Variants in CNTLN observed in about 807,000 individuals in gnomAD.
CNTLN encodes centlein, centrosomal protein.
Under a neutral mutation model 180.0 loss-of-function variants are expected in CNTLN, and 212 were observed. That is an observed-to-expected ratio of 1.18 (90% CI 1.05 to 1.32). The LOEUF (loss-of-function observed/expected upper bound fraction) is 1.32, where lower values mean the gene tolerates loss of function less well. Among genes scored for constraint, CNTLN ranks in the 40% most tolerant of loss-of-function variants. The pLI is 0.00. For synonymous variants in CNTLN, 722 were observed against 563.1 expected (o/e 1.28, Z -3.99); for missense variants, 2,095 against 1,610.9 (o/e 1.30, Z -5.14).
At chr9:17,242,113 T>C (rs79320337) in intron 5 of CNTLN, among the ~76,000 whole-genome samples, 1 of 152,306 alleles carries the variant, frequency 6.6e-6, no homozygotes, top group East Asian at 1.9e-4. Context: ...ATTCTTGTCA[T>C]GTTTCAGATT....
At chr9:17,260,810 T>C (rs1159013557) in intron 5 of CNTLN, among the ~76,000 whole-genome samples, 1 of 151,410 alleles carries the variant, frequency 6.6e-6, no homozygotes, top group Non-Finnish European at 1.5e-5. Context: ...AAGGTTTTTT[T>C]AGCTTTTGTT....
rs1833797527 is a variant in CNTLN at position 17,502,405 on chromosome 9, G to T, written c.4120-146G>T. The stretch of plus-strand genomic sequence containing the variant: ...CAAAATTACCCACACTAACCAGCAA[G>T]ATCAGTAGAAAAGAGATCCAGTAGG... On this transcript the variant is annotated intron_variant, in intron 25 of 25. Transcript: ENST00000380647. 1.1e-5 allele frequency: 5 copies of T among 437,750 alleles called. No individual in the cohort carries two copies. The South Asian group carries it at 2.2e-4, about 20-fold the overall frequency. The allele number at this position is 437,750 out of a possible 1,614,324, so 27.1% of individuals were successfully genotyped here.
chr9:17,513,669 A>T, the CNTLN span, among the ~76,000 whole-genome samples: 2 of 152,112 alleles, frequency 1.3e-5, no homozygotes, highest in African/African-American at 2.4e-5. Context: ...CGCACTCCAC[A>T]CTCCAGCCTG....
At chr9:17,235,206 G>A (rs1003043384) in intron 3 of CNTLN, among the ~76,000 whole-genome samples, 1 of 152,132 alleles carries the variant, frequency 6.6e-6, no homozygotes, top group South Asian at 2.1e-4. Context: ...GATATTATTA[G>A]TACTAAAATA....
At chr9:17,181,281 A>T (rs1238545897) in intron 2 of CNTLN, among the ~76,000 whole-genome samples, 2 of 151,806 alleles carry the variant, frequency 1.3e-5, no homozygotes, top group African/African-American at 2.4e-5. Flanking sequence ...CTTTTCACTG[A>T]TTCTTTCCTG....
chr9:17,178,269 G>C (rs1820860979), intron 2 of CNTLN, among the ~76,000 whole-genome samples: 1 of 152,212 alleles, frequency 6.6e-6, no homozygotes, highest in Non-Finnish European at 1.5e-5. Flanking sequence ...TCAGAGTGCT[G>C]ATTGGTATAT....
chr9:17,272,288 G>T (rs910802655), intron 5 of CNTLN, among the ~76,000 whole-genome samples: 14 of 152,018 alleles, frequency 9.2e-5, no homozygotes, highest in African/African-American at 3.4e-4. Flanking sequence ...CGTTGGCTAG[G>T]ATAGTCTCGA....
chr9:17,427,350 A>G (rs942015559), intron 18 of CNTLN, among the ~76,000 whole-genome samples: 1 of 146,916 alleles, frequency 6.8e-6, no homozygotes, highest in Non-Finnish European at 1.5e-5. Flanking sequence ...TATATTTTCT[A>G]TGTGATACAG....
At position 17,494,816 on chromosome 9, in the gene CNTLN, C is replaced by T. The variant is rs73418347; in HGVS notation, c.4120-7735C>T. 4.4e-3 allele frequency: 1,668 copies of T among 381,522 alleles called. 23 individuals are homozygous for T. The highest frequency in any genetic ancestry group is 0.033 in the African/African-American group (1,548 of 46,420). 23.6% of individuals were successfully genotyped at this position (381,522 alleles called of 1,614,324 possible). On this transcript the variant is annotated intron_variant, in intron 25 of 25. Transcript: ENST00000380647. ...ATAGCGTATACAATTATGTACTGCA[C>T]ATAATACTCAATAATGATAATAAAT...
intron 6 of CNTLN, among the ~76,000 whole-genome samples, chr9:17,292,512 T>C (rs1445269908): frequency 6.6e-6 from 1 of 152,128 alleles, no homozygotes; most frequent in African/African-American, 2.4e-5. Context: ...CATTCTTTTT[T>C]CTCTCGTCTT....
chr9:17,147,846 C>T (rs920981224), intron 2 of CNTLN, among the ~76,000 whole-genome samples: 5 of 152,090 alleles, frequency 3.3e-5, no homozygotes, highest in African/African-American at 1.2e-4. Flanking sequence ...TGATGAATGG[C>T]TTTTTGGATA....
chr9:17,306,079 C>A (rs1162654992), intron 7 of CNTLN, among the ~76,000 whole-genome samples: 1 of 151,404 alleles, frequency 6.6e-6, no homozygotes, highest in South Asian at 2.1e-4. Flanking sequence ...AATAGGAATG[C>A]AACTGCTTAA....
intron 2 of CNTLN, among the ~76,000 whole-genome samples, chr9:17,225,313 C>G (rs967352677): frequency 6.6e-6 from 1 of 151,992 alleles, no homozygotes; most frequent in South Asian, 2.1e-4. Flanking sequence ...CCCCAGAAGT[C>G]AAGCTCCTTT....
chr9:17,518,036 CTTTT>C, the CNTLN span, among the ~76,000 whole-genome samples: 15 of 69,242 alleles, frequency 2.2e-4, no homozygotes, highest in African/African-American at 7.2e-4. Context: ...TTTTCTTTTC[CTTTT>C]TTTTTTTTTT....
At chr9:17,396,607 G>T (rs562566091) in intron 15 of CNTLN, among the ~76,000 whole-genome samples, 1 of 152,244 alleles carries the variant, frequency 6.6e-6, no homozygotes, top group South Asian at 2.1e-4. Context: ...CACAGACATA[G>T]AACTGAAAAT....
At chr9:17,391,110 G>C (rs1410554165) in intron 14 of CNTLN, among the ~76,000 whole-genome samples, 1 of 152,170 alleles carries the variant, frequency 6.6e-6, no homozygotes, top group Non-Finnish European at 1.5e-5. Context: ...GCTTAGGTTT[G>C]ATAAAGAAAG....
At chr9:17,361,713 C>T (rs886516326) in intron 12 of CNTLN, among the ~76,000 whole-genome samples, 6 of 152,136 alleles carry the variant, frequency 3.9e-5, no homozygotes, top group African/African-American at 9.7e-5. Flanking sequence ...TTCTTGGGAC[C>T]CCTCTCCCTG....
chr9:17,372,282 C>A (rs369839249), intron 13 of CNTLN, among the ~76,000 whole-genome samples: 12 of 152,088 alleles, frequency 7.9e-5, no homozygotes, highest in Non-Finnish European at 2.9e-5. Context: ...ACAACAGATA[C>A]TGCAGAAATT....
At chr9:17,476,945 T>C (rs1278426946) in intron 23 of CNTLN, among the ~76,000 whole-genome samples, 2 of 152,230 alleles carry the variant, frequency 1.3e-5, no homozygotes, top group Admixed American at 1.3e-4. Context: ...GAGAAGTCAA[T>C]GCCTGGCTTC....
Sources: gnomAD v4.1 joint callset for allele counts (sites outside exome capture counted in the v4.1 genomes callset) on GRCh38, gnomAD v4.1.1 for gene constraint, MANE v1.5 for transcripts, NCBI Gene and HGNC (gene_info 2026-07-23, HGNC 2026-07-21) for gene names.